Variants in FNDC1 observed in about 807,000 individuals in gnomAD.
FNDC1 encodes fibronectin type III domain containing 1.
FNDC1 carries 96 observed loss-of-function variants against 168.0 expected under a neutral mutation model. The ratio of observed to expected loss-of-function variants is 0.57; its 90% CI spans 0.48 to 0.68. The LOEUF is 0.68. Among genes scored for constraint, FNDC1 ranks in the 30% least tolerant of loss-of-function variants. FNDC1 has a pLI of 0.00. For synonymous variants in FNDC1, 1,099 were observed against 1,025.9 expected (o/e 1.07, Z -1.36); for missense variants, 2,587 against 2,482.1 (o/e 1.04, Z -0.90).
intron 15 of FNDC1, among the ~76,000 whole-genome samples, chr6:159,247,707 C>A (rs1777167538): frequency 6.6e-6 from 1 of 152,128 alleles, no homozygotes. Flanking sequence ...CCACTGCACT[C>A]CAGCCTGGGT....
chr6:159,203,946 T>C (rs1782428637), intron 4 of FNDC1, among the ~76,000 whole-genome samples: 1 of 152,198 alleles, frequency 6.6e-6, no homozygotes, highest in Non-Finnish European at 1.5e-5. Context: ...TATGATCATA[T>C]CTATTTAATC....
chr6:159,221,715 A>G lies in FNDC1; in HGVS notation c.766+19A>G, dbSNP rs1412117781. Reference sequence around the variant, plus strand: ...ATTTCAGGTATGTTTCTAAGGATGCATTTGGTCAAACCATAGTCTGGTATG... The same window carrying G: ...ATTTCAGGTATGTTTCTAAGGATGCGTTTGGTCAAACCATAGTCTGGTATG... On this transcript the variant is annotated intron_variant, in intron 6 of 22. Transcript: ENST00000297267. 1.3e-6 allele frequency: 2 copies of G among 1,582,552 alleles called. No homozygotes were observed.
chr6:159,239,445 C>T (rs1783349771), intron 13 of FNDC1, 72 bp from the exon 14 acceptor site: 2 of 1,335,276 alleles, frequency 1.5e-6, no homozygotes, highest in Non-Finnish European at 2.0e-6. Flanking sequence ...TGAGAAGACA[C>T]TTATTGCTTG....
At chr6:159,251,223 C>A in intron 16 of FNDC1, 79 bp from the exon 17 acceptor site, 2 of 1,082,840 alleles carry the variant, frequency 1.8e-6, no homozygotes, top group Non-Finnish European at 2.7e-6. Context: ...GTGGGTCTGA[C>A]TCTGTGGAAC....
At chr6:159,252,547 A>G (rs904716822) in intron 17 of FNDC1, among the ~76,000 whole-genome samples, 3 of 152,170 alleles carry the variant, frequency 2.0e-5, no homozygotes, top group African/African-American at 7.2e-5. Flanking sequence ...AGGGCGTGGG[A>G]TGCAGGGAGG....
At chr6:159,228,874 C>G (rs1293342137) in intron 9 of FNDC1, among the ~76,000 whole-genome samples, 1 of 152,116 alleles carries the variant, frequency 6.6e-6, no homozygotes, top group Non-Finnish European at 1.5e-5. Context: ...GGGGGTTTCA[C>G]CCTGCTGGCC....
intron 17 of FNDC1, among the ~76,000 whole-genome samples, chr6:159,253,532 T>A (rs1006424545): frequency 3.3e-5 from 5 of 152,218 alleles, no homozygotes; most frequent in African/African-American, 1.2e-4. Context: ...CAATGTGTAA[T>A]GAAGTGGTGC....
chr6:159,214,807 A>G (rs1782675526), intron 4 of FNDC1, 138 bp from the exon 5 acceptor site: 1 of 691,340 alleles, frequency 1.4e-6, no homozygotes. Context: ...TGTCCTTACT[A>G]GAATTAGTTA....
chr6:159,199,498 T>G (rs1018628987), intron 2 of FNDC1, among the ~76,000 whole-genome samples: 21 of 152,364 alleles, frequency 1.4e-4, no homozygotes, highest in Admixed American at 1.3e-3. Context: ...GAAAATTTCA[T>G]GAAGCTTTAT....
intron 11 of FNDC1, 61 bp from the exon 12 acceptor site, chr6:159,236,154 C>A: frequency 8.0e-7 from 1 of 1,252,736 alleles, no homozygotes; most frequent in Non-Finnish European, 1.1e-6. Context: ...GGTATGAAGC[C>A]AACTTCCCGG....
intron 4 of FNDC1, among the ~76,000 whole-genome samples, chr6:159,205,101 G>C (rs577973205): frequency 3.9e-5 from 6 of 152,286 alleles, no homozygotes; most frequent in Admixed American, 3.9e-4. Context: ...GTAGACCTGA[G>C]GGCAGATCTG....
At chr6:159,226,035 G>A (rs180805556) in intron 8 of FNDC1, among the ~76,000 whole-genome samples, 1 of 152,292 alleles carries the variant, frequency 6.6e-6, no homozygotes, top group East Asian at 1.9e-4. Context: ...ATGCCCCCAG[G>A]TGATGGATGG....
At chr6:159,212,258 G>A (rs1782621140) in intron 4 of FNDC1, among the ~76,000 whole-genome samples, 1 of 152,248 alleles carries the variant, frequency 6.6e-6, no homozygotes, top group African/African-American at 2.4e-5. Flanking sequence ...GCTGGTGGAT[G>A]CAAGCTCCAT....
rs756656216 is a variant in FNDC1 at position 159,239,916 on chromosome 6, T to G, written c.4580T>G (p.Ile1527Arg). 7 of 1,517,724 alleles carry G rather than the reference T, an allele frequency of 4.6e-6. No homozygotes were observed. 94.0% of individuals were successfully genotyped at this position (1,517,724 alleles called of 1,614,324 possible). ...LERHDDDGNLIMSSNGIPECY... is the reference protein window; with the variant it reads ...LERHDDDGNLRMSSNGIPECY... Reference sequence around the variant, plus strand: ...CGGCACGACGATGATGGCAACCTGATAATGAGCTCCAATGGGATCCCAGAG... The same window carrying G: ...CGGCACGACGATGATGGCAACCTGAGAATGAGCTCCAATGGGATCCCAGAG... The change falls in exon 14 of 23, where the codon ATA (isoleucine) becomes AGA (arginine). Residue 1527 changes from isoleucine (I) to arginine (R), a missense_variant. Physicochemically the swap from Ile to Arg is moderately conservative, Grantham distance 97 (BLOSUM62 -3). Coordinates refer to ENST00000297267, the MANE Select transcript of FNDC1 (RefSeq NM_032532.3).
At chr6:159,225,822 T>C (rs1782944954) in intron 8 of FNDC1, 100 bp downstream of exon 8, 3 of 1,023,620 alleles carry the variant, frequency 2.9e-6, no homozygotes, top group Non-Finnish European at 4.2e-6. Flanking sequence ...AAGGCCAGCG[T>C]GGGCATTTTT....
intron 4 of FNDC1, 39 bp from the exon 5 acceptor site, chr6:159,214,906 T>C (rs200143889): frequency 1.9e-6 from 3 of 1,597,874 alleles, no homozygotes; most frequent in East Asian, 2.2e-5. Flanking sequence ...CTCTAAGTGG[T>C]CTACTGTCTA....
At chr6:159,264,357 C>T (rs1435566462) in intron 19 of FNDC1, among the ~76,000 whole-genome samples, 2 of 152,324 alleles carry the variant, frequency 1.3e-5, no homozygotes, top group East Asian at 3.9e-4. Context: ...CTTTGACTGG[C>T]TTCTCTCACC....
At chr6:159,243,375 A>G (rs917219756) in intron 14 of FNDC1, 1 of 152,246 alleles carries the variant, frequency 6.6e-6, no homozygotes, top group African/African-American at 2.4e-5. Flanking sequence ...TCAAAAATTC[A>G]TTTGAGCTGG....
In FNDC1 at chr6:159,223,065, G is replaced by A. The variant is rs1011616106; in HGVS notation, c.767-463G>A. Among the ~76,000 whole-genome samples the A allele has an allele frequency of 3.5e-5, 5 of 141,620 alleles. No homozygotes were observed. The South Asian group carries it at 1.1e-3, about 32-fold the overall frequency. The allele number at this position is 141,620 out of a possible 152,430, so 92.9% of individuals were successfully genotyped here. Reference sequence around the variant, plus strand: ...GGCTGGAGTGCAGTGGCATGATCTCGACTCACTGCAAGCTCCGCCTCCTGG... The same window carrying A: ...GGCTGGAGTGCAGTGGCATGATCTCAACTCACTGCAAGCTCCGCCTCCTGG... On this transcript the variant is annotated intron_variant, in intron 6 of 22. Coordinates refer to ENST00000297267, the MANE Select transcript of FNDC1 (RefSeq NM_032532.3).
Sources: allele counts gnomAD v4.1 joint callset (sites outside exome capture counted in the v4.1 genomes callset), GRCh38; gene constraint gnomAD v4.1.1; transcripts MANE v1.5; gene names NCBI Gene and HGNC (gene_info 2026-07-23, HGNC 2026-07-21).